The following CLVS1 variants were observed in gnomAD, a reference collection of about 807,000 sequenced individuals.
The protein encoded by CLVS1 is clavesin 1.
In CLVS1, 10 loss-of-function variants were observed where a neutral mutation model predicts 33.1. That is an observed-to-expected ratio of 0.30 (90% CI 0.19 to 0.51). CLVS1 has a LOEUF of 0.51. CLVS1 is among the 20% of genes least tolerant of loss of function. The pLI, the probability that CLVS1 is intolerant of heterozygous loss-of-function variation, is 0.97. For missense variants in CLVS1, 343 were observed against 433.4 expected (o/e 0.79, Z 1.85); for synonymous variants, 163 against 166.1 (o/e 0.98, Z 0.14).
chr8:61,311,747 T>C (rs1810839799), intron 2 of CLVS1, among the ~76,000 whole-genome samples: 1 of 152,186 alleles, frequency 6.6e-6, no homozygotes, highest in Non-Finnish European at 1.5e-5. Flanking sequence ...CATTAGCTCA[T>C]AGATAAAAAA....
At chr8:61,127,402 A>G (rs1319184308) in intron 1 of CLVS1, among the ~76,000 whole-genome samples, 2 of 152,028 alleles carry the variant, frequency 1.3e-5, no homozygotes, top group Non-Finnish European at 2.9e-5. Flanking sequence ...TATTTTTAGT[A>G]GAGACGAGGT....
chr8:61,191,698 G>C (rs1005348407), intron 2 of CLVS1, among the ~76,000 whole-genome samples: 29 of 152,152 alleles, frequency 1.9e-4, no homozygotes, highest in Non-Finnish European at 3.5e-4. Context: ...AAAAATCAAT[G>C]TGCAAAAATC....
At chr8:61,224,343 G>A (rs1044564849) in intron 2 of CLVS1, among the ~76,000 whole-genome samples, 1 of 152,122 alleles carries the variant, frequency 6.6e-6, no homozygotes, top group Non-Finnish European at 1.5e-5. Context: ...ACTCTTGGAT[G>A]GGGCTTTTGT....
intron 1 of CLVS1, 65 bp downstream of exon 1, chr8:61,288,203 C>G (rs1273598432): frequency 4.4e-6 from 2 of 456,230 alleles, no homozygotes; most frequent in Non-Finnish European, 8.8e-6. Context: ...CCCGCTCTTT[C>G]GATGCCATGG....
intron 2 of CLVS1, among the ~76,000 whole-genome samples, chr8:61,230,175 C>A (rs1808403845): frequency 6.6e-6 from 1 of 152,150 alleles, no homozygotes; most frequent in Admixed American, 6.5e-5. Flanking sequence ...AGATGAAGTT[C>A]TTCAAGGCTG....
At chr8:61,055,003 A>G (rs1804451626), upstream of CLVS1, among the ~76,000 whole-genome samples, 1 of 152,152 alleles carries the variant, frequency 6.6e-6, no homozygotes, top group Non-Finnish European at 1.5e-5. Context: ...GTTGGAGAAG[A>G]CATATGTTTC....
chr8:61,234,134 C>G (rs1459657034), intron 2 of CLVS1, among the ~76,000 whole-genome samples: 1 of 152,114 alleles, frequency 6.6e-6, no homozygotes, highest in Admixed American at 6.5e-5. Context: ...CTGGTAAATC[C>G]TGGAGGCCCA....
At chr8:61,483,812 G>T (rs183938067) in intron 5 of CLVS1, among the ~76,000 whole-genome samples, 2 of 152,116 alleles carry the variant, frequency 1.3e-5, no homozygotes, top group African/African-American at 2.4e-5. Flanking sequence ...ATCAATAAAC[G>T]TAATCCATCA....
At chr8:60,979,822 A>G in the CLVS1 span, among the ~76,000 whole-genome samples, 3 of 152,174 alleles carry the variant, frequency 2.0e-5, no homozygotes, top group Non-Finnish European at 2.9e-5. Context: ...CAACCCATGC[A>G]CCCTTTTCAT....
At chr8:61,409,870 A>G (rs1815149070) in intron 3 of CLVS1, among the ~76,000 whole-genome samples, 1 of 152,176 alleles carries the variant, frequency 6.6e-6, no homozygotes. Context: ...CATTTCTCTA[A>G]TTATGATTGA....
chr8:61,157,363 C>T (rs1172402266), intron 2 of CLVS1, among the ~76,000 whole-genome samples: 1 of 152,152 alleles, frequency 6.6e-6, no homozygotes, highest in African/African-American at 2.4e-5. Flanking sequence ...AGATGTTTGA[C>T]TTATCTAGCC....
At chr8:61,475,551 G>C (rs1166151238) in intron 5 of CLVS1, among the ~76,000 whole-genome samples, 1 of 152,234 alleles carries the variant, frequency 6.6e-6, no homozygotes, top group Admixed American at 6.5e-5. Flanking sequence ...AGTCAGTGAT[G>C]ATGAGCATTT....
chr8:61,323,261 G>A (rs1811264347), intron 2 of CLVS1, among the ~76,000 whole-genome samples: 1 of 152,128 alleles, frequency 6.6e-6, no homozygotes, highest in Admixed American at 6.5e-5. Flanking sequence ...TCTCAGGGCA[G>A]TTCTTCAAGA....
the CLVS1 span, among the ~76,000 whole-genome samples, chr8:61,032,961 CAAGGAAGGAAGG>C: frequency 7.2e-4 from 58 of 80,692 alleles, 1 homozygote; most frequent in African/African-American, 2.6e-3. Flanking sequence ...TCAAAAGAAA[CAAGGAAGGAAGG>C]AAGGAAGGAA....
At chr8:61,288,776 G>T (rs1208036731) in intron 1 of CLVS1, among the ~76,000 whole-genome samples, 1 of 152,142 alleles carries the variant, frequency 6.6e-6, no homozygotes, top group Non-Finnish European at 1.5e-5. Flanking sequence ...CAGGAAGCAG[G>T]GTGGGGGTGA....
chr8:61,185,343 G>C (rs1807325022), intron 2 of CLVS1, among the ~76,000 whole-genome samples: 1 of 139,430 alleles, frequency 7.2e-6, no homozygotes, highest in Non-Finnish European at 1.6e-5. Flanking sequence ...TTGTACAGTT[G>C]GGGTTTTGCC....
intron 2 of CLVS1, among the ~76,000 whole-genome samples, chr8:61,274,690 G>A (rs1235338408): frequency 2.0e-5 from 3 of 152,158 alleles, no homozygotes; most frequent in Non-Finnish European, 2.9e-5. Flanking sequence ...TGGCAAAGGA[G>A]CACACAATCG....
chr8:61,363,554 A>G (rs938507854), intron 2 of CLVS1, among the ~76,000 whole-genome samples: 2 of 152,228 alleles, frequency 1.3e-5, no homozygotes, highest in Admixed American at 6.5e-5. Context: ...CCAGTGAGGC[A>G]TCAGAGCTTC....
At chr8:61,484,745 G>C (rs1367643323) in intron 5 of CLVS1, among the ~76,000 whole-genome samples, 1 of 152,102 alleles carries the variant, frequency 6.6e-6, no homozygotes, top group African/African-American at 2.4e-5. Context: ...CCAAAACAGA[G>C]ATATAGACCA....
Sources: allele counts gnomAD v4.1 joint callset (sites outside exome capture counted in the v4.1 genomes callset), GRCh38; gene constraint gnomAD v4.1.1; transcripts MANE v1.5; gene names NCBI Gene and HGNC (gene_info 2026-07-23, HGNC 2026-07-21).